GNS: variants seen among roughly 807,000 people sequenced by gnomAD.
GNS encodes the protein glucosamine (N-acetyl)-6-sulfatase.
In GNS, 40 loss-of-function variants were observed where a neutral mutation model predicts 69.7. The observed-to-expected ratio is 0.57, with a 90% CI of 0.45 to 0.75. GNS has a LOEUF of 0.75. Among genes scored for constraint, GNS ranks in the 30% least tolerant of loss-of-function variants. GNS has a pLI of 0.00. For missense variants in GNS, 565 were observed against 685.5 expected, an observed-to-expected ratio of 0.82 and a Z score of 1.96; for synonymous variants, 243 against 251.6, an observed-to-expected ratio of 0.97 and a Z score of 0.32.
chr12:64,740,727 C>G, intron 6 of GNS, 39 bp from the exon 7 acceptor site: 1 of 956,172 alleles, frequency 1.0e-6, no homozygotes, highest in Non-Finnish European at 1.7e-6. Context: ...CACCAAGTCA[C>G]CACAGTCAAA....
intron 1 of GNS, 139 bp downstream of exon 1, chr12:64,758,946 C>A (rs577244675): frequency 2.3e-4 from 174 of 742,246 alleles, no homozygotes; most frequent in Non-Finnish European, 3.5e-4. Flanking sequence ...GCATAAAGGG[C>A]CTCAGGTGGG....
At chr12:64,749,840 T>C (rs1431071832) in intron 2 of GNS, among the ~76,000 whole-genome samples, 1 of 151,994 alleles carries the variant, frequency 6.6e-6, no homozygotes, top group Non-Finnish European at 1.5e-5. Flanking sequence ...ACACAGTTTA[T>C]CTTAATATTA....
Position 64,759,357 on chromosome 12 carries a change from G to C in GNS, c.-81C>G. The stretch of plus-strand genomic sequence containing the variant: ...TAGCTGAAGGGCGAGAGGCCGACCA[G>C]CCGAAGGAATAAAAAGCCGTGCCTT... On this transcript the variant is annotated 5_prime_UTR_variant, in exon 1 of 14. Coordinates refer to ENST00000258145, the MANE Select transcript of GNS (RefSeq NM_002076.4). 1 of 959,788 alleles carries C rather than the reference G, an allele frequency of 1.0e-6. No individual in the cohort carries two copies. The highest frequency in any genetic ancestry group is 2.9e-5 in the Admixed American group (1 of 34,264). 59.5% of individuals were successfully genotyped at this position (959,788 alleles called of 1,614,324 possible).
At chr12:64,742,828 C>CCAGGAGGCT (rs1197241924) in intron 6 of GNS, among the ~76,000 whole-genome samples, 1 of 152,160 alleles carries the variant, frequency 6.6e-6, no homozygotes, top group Non-Finnish European at 1.5e-5. Flanking sequence ...GGTGCAGTCC[C>CCAGGAGGCT]GGCTATGCCA....
At position 64,756,748 on chromosome 12, in the gene GNS, A is replaced by C. The variant is rs764661911; in HGVS notation, c.192+2337T>G. On this transcript the variant is annotated intron_variant, in intron 1 of 13. Transcript: ENST00000258145. ...GTCCTGTTTGACAATTAGTGGTAGA[A>C]TATTCTGAAAAAGCCTAGAAGAGAA... The C allele has an allele frequency of 1.2e-5, 18 of 1,498,540 alleles. No homozygotes were observed. The Admixed American group carries it at 2.0e-4, about 16-fold the overall frequency. 92.8% of individuals were successfully genotyped at this position (1,498,540 alleles called of 1,614,324 possible). A position where few individuals can be genotyped will look rare whatever the true frequency, so the allele number is the denominator to read the frequency against.
intron 9 of GNS, among the ~76,000 whole-genome samples, chr12:64,733,719 C>A (rs977335197): frequency 6.6e-6 from 1 of 152,186 alleles, no homozygotes; most frequent in Non-Finnish European, 1.5e-5. Flanking sequence ...GGAACCAAGG[C>A]TGATTTTGTC....
At chr12:64,739,570 A>AG in intron 7 of GNS, 71 bp from the exon 8 acceptor site, 1 of 758,538 alleles carries the variant, frequency 1.3e-6, no homozygotes, top group Non-Finnish European at 2.3e-6. Flanking sequence ...TTGCCAAAAA[A>AG]AAAAAAAACC....
chr12:64,752,653 C>T (rs776999293), intron 2 of GNS, 45 bp downstream of exon 2: 2 of 967,306 alleles, frequency 2.1e-6, no homozygotes, highest in East Asian at 4.8e-5. Flanking sequence ...TCTTAGAATA[C>T]AAACACAGTT....
chr12:64,721,032 C>T (rs1036651593), intron 12 of GNS, among the ~76,000 whole-genome samples: 4 of 152,144 alleles, frequency 2.6e-5, no homozygotes, highest in Admixed American at 6.5e-5. Flanking sequence ...GGCATCTGTT[C>T]CAGATGGTCA....
At chr12:64,758,141 A>C (rs1870319694) in intron 1 of GNS, among the ~76,000 whole-genome samples, 1 of 152,084 alleles carries the variant, frequency 6.6e-6, no homozygotes, top group African/African-American at 2.4e-5. Context: ...TCTGGAAAAA[A>C]AATGAAGTCT....
At chr12:64,720,285 T>TAAA in intron 12 of GNS, 103 bp from the exon 13 acceptor site, 1 of 671,160 alleles carries the variant, frequency 1.5e-6, no homozygotes, top group Non-Finnish European at 2.6e-6. Flanking sequence ...GGAGGTAGAT[T>TAAA]AAAAAAAAAA....
rs1014405304 is a variant in GNS, at chr12:64,713,462, A to C, written c.*3279T>G. The C allele has an allele frequency of 1.3e-5, 2 of 152,678 alleles. No homozygotes were observed. The highest frequency in any genetic ancestry group is 4.8e-5 in the African/African-American group (2 of 41,472). 9.5% of individuals were successfully genotyped at this position (152,678 alleles called of 1,614,324 possible). ...ACACATTCCCACTAGAACAGAAATA[A>C]ATTTTAATTCATTGAAAAGTGCAGC... On this transcript the variant is annotated 3_prime_UTR_variant, in exon 14 of 14. Coordinates refer to ENST00000258145, the MANE Select transcript of GNS (RefSeq NM_002076.4).
chr12:64,747,923 A>G lies in GNS; in HGVS notation c.253-5T>C. The G allele has an allele frequency of 6.5e-7, 1 of 1,543,410 alleles. No individual in the cohort carries two copies. The highest frequency in any genetic ancestry group is 9.0e-7 in the Non-Finnish European group (1 of 1,115,438). On this transcript the variant is annotated splice_region_variant and splice_polypyrimidine_tract_variant and intron_variant, in intron 2 of 13. Coordinates refer to ENST00000258145, the MANE Select transcript of GNS (RefSeq NM_002076.4). ...GCAGAGAGCACTTGGCACATACTAC[A>G]AAGGAAAGGAAGCAAAAACGACAAA...
intron 1 of GNS, among the ~76,000 whole-genome samples, chr12:64,758,217 A>C (rs1801944893): frequency 6.6e-6 from 1 of 151,746 alleles, no homozygotes; most frequent in Non-Finnish European, 1.5e-5. Flanking sequence ...TCAGGTGTTC[A>C]ATCACACTAA....
intron 2 of GNS, among the ~76,000 whole-genome samples, chr12:64,751,734 C>A (rs1185674367): frequency 1.3e-5 from 2 of 151,990 alleles, no homozygotes; most frequent in Non-Finnish European, 2.9e-5. Flanking sequence ...TGCCTGTAAT[C>A]CCAGCACTTT....
rs1256383196 is a variant in GNS, at chr12:64,715,866, G to A, written c.*875C>T. On this transcript the variant is annotated 3_prime_UTR_variant, in exon 14 of 14. Transcript: ENST00000258145. ...GAGCCCTGTCTTCAGAAGGCCCTCG[G>A]AAGAGACAACCTTCACCAACTCTTG... 1 of 152,252 alleles carries A rather than the reference G, an allele frequency of 6.6e-6. No individual in the cohort carries two copies. Among genetic ancestry groups the A allele is most frequent in the African/African-American group, 2.4e-5 (1 of 41,442 alleles). 9.4% of individuals were successfully genotyped at this position (152,252 alleles called of 1,614,324 possible).
At chr12:64,731,265 C>T (rs922874710) in intron 9 of GNS, among the ~76,000 whole-genome samples, 7 of 152,120 alleles carry the variant, frequency 4.6e-5, no homozygotes, top group South Asian at 2.1e-4. Flanking sequence ...TTTTATTTTT[C>T]GTAGCAATGC....
chr12:64,741,732 C>T (rs1350293106), intron 6 of GNS, among the ~76,000 whole-genome samples: 1 of 152,114 alleles, frequency 6.6e-6, no homozygotes, highest in African/African-American at 2.4e-5. Flanking sequence ...ACTATTCTCT[C>T]TTCTCTATTC....
Position 64,716,493 on chromosome 12 carries a change from C to T in GNS, c.*248G>A. On this transcript the variant is annotated 3_prime_UTR_variant, in exon 14 of 14. Coordinates refer to ENST00000258145, the MANE Select transcript of GNS (RefSeq NM_002076.4). ...AAAAGAATACAGTGAGAACAAAGAC[C>T]TCAGGAGTGTCCTTGTCAGCTAAAG... 1 of 552,110 alleles carries T rather than the reference C, an allele frequency of 1.8e-6. No individual in the cohort carries two copies. The highest frequency in any genetic ancestry group is 3.3e-6 in the Non-Finnish European group (1 of 305,516). The allele number at this position is 552,110 out of a possible 1,614,324, so 34.2% of individuals were successfully genotyped here. A position where few individuals can be genotyped will look rare whatever the true frequency, so the allele number is the denominator to read the frequency against.
Sources: gnomAD v4.1 joint callset for allele counts (sites outside exome capture counted in the v4.1 genomes callset) on GRCh38, gnomAD v4.1.1 for gene constraint, MANE v1.5 for transcripts, NCBI Gene and HGNC (gene_info 2026-07-23, HGNC 2026-07-21) for gene names.